FAM107B: variants seen among roughly 807,000 people sequenced by gnomAD.
FAM107B encodes family with sequence similarity 107 member B, also known as protein FAM107B.
In FAM107B, 21 loss-of-function variants were observed where a neutral mutation model predicts 31.5. The ratio of observed to expected loss-of-function variants is 0.67; its 90% CI spans 0.47 to 0.96. The LOEUF is 0.96. Ranked by LOEUF, FAM107B falls within the 40% of genes least tolerant of loss-of-function variation. FAM107B has a pLI of 0.00. For synonymous variants in FAM107B, 157 were observed against 141.5 expected, an observed-to-expected ratio of 1.11 and a Z score of -0.78; for missense variants, 452 against 377.1, an observed-to-expected ratio of 1.20 and a Z score of -1.64.
intron 1 of FAM107B, among the ~76,000 whole-genome samples, chr10:14,703,329 T>TC (rs1435585602): frequency 3.4e-5 from 5 of 146,930 alleles, no homozygotes; most frequent in African/African-American, 7.4e-5. Context: ...TTCTTCTTCT[T>TC]TTTTTTTTTT....
chr10:14,690,728 A>T (rs1855114004), intron 1 of FAM107B, among the ~76,000 whole-genome samples: 1 of 152,128 alleles, frequency 6.6e-6, no homozygotes, highest in Admixed American at 6.5e-5. Context: ...CTGGGATTAC[A>T]GGCGTGAGCC....
chr10:14,569,448 A>T (rs1851001090), intron 2 of FAM107B, among the ~76,000 whole-genome samples: 2 of 145,604 alleles, frequency 1.4e-5, no homozygotes, highest in African/African-American at 4.9e-5. Flanking sequence ...TTACGTTAAG[A>T]TCATAACATG....
At chr10:14,669,125 T>C (rs1340033262) in intron 1 of FAM107B, among the ~76,000 whole-genome samples, 2 of 152,076 alleles carry the variant, frequency 1.3e-5, no homozygotes, top group Admixed American at 6.5e-5. Flanking sequence ...CCTAGCACTT[T>C]GGGAGGCCGA....
chr10:14,759,720 C>CT (rs1295937147), intron 1 of FAM107B, among the ~76,000 whole-genome samples: 26 of 149,124 alleles, frequency 1.7e-4, no homozygotes, highest in Admixed American at 6.7e-5. Context: ...CTTTTTTTTT[C>CT]TTTTTTTTTA....
chr10:14,656,802 G>A (rs935509139), intron 2 of FAM107B, among the ~76,000 whole-genome samples: 1 of 151,992 alleles, frequency 6.6e-6, no homozygotes, highest in Non-Finnish European at 1.5e-5. Context: ...AAAAAATTAG[G>A]CAATTCTGCT....
intron 2 of FAM107B, among the ~76,000 whole-genome samples, chr10:14,653,098 C>A (rs1853943769): frequency 6.6e-6 from 1 of 152,190 alleles, no homozygotes; most frequent in Non-Finnish European, 1.5e-5. Context: ...GAGAAGGCTC[C>A]ATAAATGTTG....
At chr10:14,600,766 G>A (rs568717175) in intron 2 of FAM107B, among the ~76,000 whole-genome samples, 6 of 151,566 alleles carry the variant, frequency 4.0e-5, no homozygotes, top group African/African-American at 7.3e-5. Flanking sequence ...CAGCCTCCAG[G>A]GTAGCTGGGA....
At chr10:14,571,344 C>A (rs75924245) in intron 2 of FAM107B, among the ~76,000 whole-genome samples, 1 of 152,098 alleles carries the variant, frequency 6.6e-6, no homozygotes, top group South Asian at 2.1e-4. Context: ...ACAATCTTCA[C>A]TAGATAGTCA....
chr10:14,629,307 A>AAT (rs1491250157), intron 2 of FAM107B, among the ~76,000 whole-genome samples: 1 of 70,948 alleles, frequency 1.4e-5, no homozygotes, highest in Admixed American at 2.2e-4. Flanking sequence ...ATAAATATAT[A>AAT]ATATATATAA....
At chr10:14,708,370 C>T (rs554934908) in intron 1 of FAM107B, among the ~76,000 whole-genome samples, 29 of 152,148 alleles carry the variant, frequency 1.9e-4, no homozygotes, top group Non-Finnish European at 3.2e-4. Context: ...CATGAGCCAC[C>T]GCACCTGGCC....
At chr10:14,704,142 G>A (rs1281838780) in intron 1 of FAM107B, among the ~76,000 whole-genome samples, 2 of 152,180 alleles carry the variant, frequency 1.3e-5, no homozygotes, top group South Asian at 2.1e-4. Context: ...TGGTCTACCT[G>A]TACATCACTG....
chr10:14,658,332 C>T (rs190407691), intron 2 of FAM107B, among the ~76,000 whole-genome samples: 63 of 152,244 alleles, frequency 4.1e-4, no homozygotes, highest in Non-Finnish European at 7.9e-4. Flanking sequence ...GACTGTCCTA[C>T]GGTTAAGGGA....
chr10:14,552,705 C>T (rs1443317071), intron 2 of FAM107B, among the ~76,000 whole-genome samples: 2 of 151,930 alleles, frequency 1.3e-5, no homozygotes, highest in East Asian at 1.9e-4. Context: ...GGCACACACT[C>T]GTAATCCCAG....
intron 2 of FAM107B, among the ~76,000 whole-genome samples, chr10:14,565,153 T>C (rs1379068411): frequency 6.6e-6 from 1 of 152,254 alleles, no homozygotes; most frequent in African/African-American, 2.4e-5. Flanking sequence ...GTGCCAGGCA[T>C]ATGTCTTGAC....
intron 1 of FAM107B, among the ~76,000 whole-genome samples, chr10:14,736,132 G>T (rs142837110): frequency 9.7e-4 from 148 of 152,232 alleles, no homozygotes; most frequent in African/African-American, 3.2e-3. Flanking sequence ...CTCTAAAACA[G>T]CATGTACCTC....
intron 1 of FAM107B, among the ~76,000 whole-genome samples, chr10:14,761,054 G>C (rs1455874409): frequency 6.8e-6 from 1 of 147,426 alleles, no homozygotes; most frequent in African/African-American, 2.5e-5. Context: ...ATATCGTTAA[G>C]CTAGAGGGTG....
chr10:14,671,426 T>C (rs898652419), intron 1 of FAM107B, among the ~76,000 whole-genome samples: 1 of 152,140 alleles, frequency 6.6e-6, no homozygotes, highest in African/African-American at 2.4e-5. Flanking sequence ...CAACCCTTCC[T>C]GTTGGAATCC....
chr10:14,629,033 T>G (rs1853248928), intron 2 of FAM107B, among the ~76,000 whole-genome samples: 1 of 150,928 alleles, frequency 6.6e-6, no homozygotes, highest in African/African-American at 2.4e-5. Flanking sequence ...AGCTTTATAT[T>G]ACAAGTCTCA....
chr10:14,667,534 A>G (rs1193697172), intron 2 of FAM107B, 100 bp downstream of exon 2: 2 of 1,189,176 alleles, frequency 1.7e-6, no homozygotes, highest in Non-Finnish European at 1.2e-6. Context: ...CATTTGGAAC[A>G]TACAGGTTTT....
Sources: gnomAD v4.1 joint callset for allele counts (sites outside exome capture counted in the v4.1 genomes callset) on GRCh38, gnomAD v4.1.1 for gene constraint, MANE v1.5 for transcripts, NCBI Gene and HGNC (gene_info 2026-07-23, HGNC 2026-07-21) for gene names.